Variants in GALNT7 observed in about 807,000 individuals in gnomAD.
GALNT7 encodes the protein N-acetylgalactosaminyltransferase 7.
Under a neutral mutation model 82.1 loss-of-function variants are expected in GALNT7, and 60 were observed. The observed-to-expected ratio is 0.73, with a 90% confidence interval of 0.59 to 0.91. GALNT7 has a LOEUF of 0.91. Ranked by LOEUF, GALNT7 falls within the 40% of genes least tolerant of loss-of-function variation. GALNT7 has a pLI of 0.00. For missense variants in GALNT7, 660 were observed against 804.2 expected (o/e 0.82, Z 2.17); for synonymous variants, 243 against 275.1 (o/e 0.88, Z 1.15).
intron 1 of GALNT7, among the ~76,000 whole-genome samples, chr4:173,200,515 TA>T (rs1732912548): frequency 6.6e-6 from 1 of 152,170 alleles, no homozygotes. Context: ...ATTAGCACAT[TA>T]ATATCAGAGA....
At chr4:173,219,854 G>A (rs1455869922) in intron 1 of GALNT7, among the ~76,000 whole-genome samples, 2 of 151,516 alleles carry the variant, frequency 1.3e-5, no homozygotes, top group African/African-American at 4.9e-5. Flanking sequence ...TTTTTTTCTT[G>A]CTGATTTGTG....
chr4:173,234,747 T>G (rs537068524), intron 1 of GALNT7, among the ~76,000 whole-genome samples: 40 of 152,356 alleles, frequency 2.6e-4, no homozygotes, highest in African/African-American at 9.1e-4. Flanking sequence ...CAGTGCCATC[T>G]TCACTGTAAT....
intron 1 of GALNT7, among the ~76,000 whole-genome samples, chr4:173,231,407 G>A (rs1734029138): frequency 6.6e-6 from 1 of 152,180 alleles, no homozygotes; most frequent in Admixed American, 6.5e-5. Context: ...CAAAGTAGAA[G>A]TCATTATCAA....
At chr4:173,210,217 C>T (rs1261243298) in intron 1 of GALNT7, among the ~76,000 whole-genome samples, 3 of 152,228 alleles carry the variant, frequency 2.0e-5, no homozygotes, top group South Asian at 2.1e-4. Flanking sequence ...TGGCTCCAGC[C>T]AGAAGAATGA....
chr4:173,226,628 G>C (rs1190256166), intron 1 of GALNT7, among the ~76,000 whole-genome samples: 1 of 152,160 alleles, frequency 6.6e-6, no homozygotes, highest in Non-Finnish European at 1.5e-5. Context: ...TCAGCTTGCT[G>C]GCTGACTGTC....
At chr4:173,315,354 G>T (rs1699481211) in intron 9 of GALNT7, among the ~76,000 whole-genome samples, 1 of 152,150 alleles carries the variant, frequency 6.6e-6, no homozygotes. Flanking sequence ...GGTGTTCTGG[G>T]CATGTGAAGT....
chr4:173,255,836 C>T lies in GALNT7; in HGVS notation c.587+7396C>T, dbSNP rs148261537. Among the ~76,000 whole-genome samples the T allele has an allele frequency of 3.9e-3, 587 of 152,338 alleles. 1 individual carries two copies. Among genetic ancestry groups the T allele is most frequent in the Non-Finnish European group, 6.7e-3 (459 of 68,032 alleles). ...AGTGCAGTGTGCATGGCGGAACACA[C>T]GCCCCTTTCCCTCAGTGGGTCAGCA... On this transcript the variant is annotated intron_variant, in intron 2 of 11. Coordinates refer to ENST00000265000, the MANE Select transcript of GALNT7 (RefSeq NM_017423.3).
At position 173,248,076 on chromosome 4, in the gene GALNT7, G is replaced by A; in HGVS notation, c.223G>A (p.Val75Ile). The A allele has an allele frequency of 3.7e-6, 6 of 1,613,676 alleles. No individual in the cohort carries two copies. Among genetic ancestry groups the A allele is most frequent in the Non-Finnish European group, 5.1e-6 (6 of 1,179,668 alleles). ...RFKPVVPWPH[V>I]EGVEVDLESI... The stretch of plus-strand genomic sequence containing the variant: ...CAAACCTGTGGTACCATGGCCTCAT[G>A]TTGAAGGAGTAGAAGTGGACTTAGA... The change falls in exon 2 of 12, where the codon GTT becomes ATT. Residue 75 changes from valine (V) to isoleucine (I), a missense_variant. Physicochemically the swap from Val to Ile is conservative, Grantham distance 29. Transcript: ENST00000265000.
chr4:173,198,119 G>C (rs563494859), intron 1 of GALNT7, among the ~76,000 whole-genome samples: 28 of 152,094 alleles, frequency 1.8e-4, no homozygotes, highest in African/African-American at 6.3e-4. Flanking sequence ...GAGTGCAGTG[G>C]TGTGATCTCG....
chr4:173,267,946 G>C (rs1735562971), intron 2 of GALNT7, among the ~76,000 whole-genome samples: 1 of 152,082 alleles, frequency 6.6e-6, no homozygotes, highest in East Asian at 1.9e-4. Context: ...CTCTCATCAT[G>C]CCAGGTGTGT....
intron 1 of GALNT7, among the ~76,000 whole-genome samples, chr4:173,247,547 A>G (rs1440748566): frequency 6.6e-6 from 1 of 152,046 alleles, no homozygotes; most frequent in Non-Finnish European, 1.5e-5. Flanking sequence ...CACTGCCACC[A>G]TATGGTTGTG....
rs559777527 is a variant in GALNT7 at position 173,304,499 on chromosome 4, G to A, written c.1389+381G>A. On this transcript the variant is annotated intron_variant, in intron 8 of 11. Coordinates refer to ENST00000265000, the MANE Select transcript of GALNT7 (RefSeq NM_017423.3). Reference sequence around the variant, plus strand: ...TTTTGATATATGTATACATTGTGGGGATGGCTAAATCTGGCTATTTGGACA... The same window carrying A: ...TTTTGATATATGTATACATTGTGGGAATGGCTAAATCTGGCTATTTGGACA... Among the ~76,000 whole-genome samples the A allele has an allele frequency of 5.3e-4, 81 of 152,048 alleles. No homozygotes were observed. In the South Asian group the frequency reaches 0.017, roughly 31 times the overall value.
intron 6 of GALNT7, among the ~76,000 whole-genome samples, chr4:173,301,554 T>G (rs762607488): frequency 3.9e-5 from 6 of 152,216 alleles, no homozygotes; most frequent in African/African-American, 1.4e-4. Flanking sequence ...GAACTGTGGT[T>G]GTTCTACAAT....
At chr4:173,193,452 T>TG (rs1360595172) in intron 1 of GALNT7, among the ~76,000 whole-genome samples, 4 of 152,170 alleles carry the variant, frequency 2.6e-5, no homozygotes, top group Non-Finnish European at 5.9e-5. Context: ...CTAGCCCTTG[T>TG]GTCTCATCTG....
intron 1 of GALNT7, among the ~76,000 whole-genome samples, chr4:173,200,084 T>G (rs1732897867): frequency 6.6e-6 from 1 of 152,208 alleles, no homozygotes; most frequent in Non-Finnish European, 1.5e-5. Context: ...CCATTTTAGA[T>G]AAATAAGATT....
intron 1 of GALNT7, among the ~76,000 whole-genome samples, chr4:173,243,613 A>G (rs1406306454): frequency 3.3e-5 from 5 of 152,220 alleles, no homozygotes; most frequent in Non-Finnish European, 7.3e-5. Context: ...TTTGAATCAT[A>G]TAATTAAGAT....
intron 1 of GALNT7, among the ~76,000 whole-genome samples, chr4:173,228,696 A>G (rs1733921948): frequency 6.6e-6 from 1 of 152,194 alleles, no homozygotes; most frequent in Non-Finnish European, 1.5e-5. Flanking sequence ...AAAAAACTCT[A>G]CCAACATTAA....
At chr4:173,306,521 A>G (rs953056306) in intron 8 of GALNT7, among the ~76,000 whole-genome samples, 2 of 152,210 alleles carry the variant, frequency 1.3e-5, no homozygotes, top group Admixed American at 6.5e-5. Flanking sequence ...TATGGCCTTT[A>G]TTGTGTTGAG....
At chr4:173,207,045 G>C (rs924055644) in intron 1 of GALNT7, among the ~76,000 whole-genome samples, 3 of 152,162 alleles carry the variant, frequency 2.0e-5, no homozygotes. Context: ...TCCAACAAGC[G>C]GACTCTATAT....
Sources: allele counts gnomAD v4.1 joint callset (sites outside exome capture counted in the v4.1 genomes callset), GRCh38; gene constraint gnomAD v4.1.1; transcripts MANE v1.5; gene names NCBI Gene and HGNC (gene_info 2026-07-23, HGNC 2026-07-21).